The following MYOZ2 variants were observed in gnomAD, a reference collection of about 807,000 sequenced individuals.
MYOZ2 encodes myozenin 2, also known as myozenin-2.
MYOZ2 carries 19 observed loss-of-function variants against 25.4 expected under a neutral mutation model. The ratio of observed to expected loss-of-function variants is 0.75; its 90% CI spans 0.52 to 1.10. The LOEUF is 1.10. Ranked by LOEUF, MYOZ2 falls within the 50% of genes least tolerant of loss-of-function variation. The probability of loss-of-function intolerance (pLI) is 0.00; values close to 1 mark genes in which losing one functional copy is unlikely to be tolerated. For missense variants in MYOZ2, 270 were observed against 317.9 expected, an observed-to-expected ratio of 0.85 and a Z score of 1.15; for synonymous variants, 92 against 106.9, an observed-to-expected ratio of 0.86 and a Z score of 0.86.
chr4:119,172,207 C>G (rs1184145870), intron 5 of MYOZ2, among the ~76,000 whole-genome samples: 1 of 152,182 alleles, frequency 6.6e-6, no homozygotes, highest in African/African-American at 2.4e-5. Flanking sequence ...TTGTAACCCC[C>G]CAAAGGGTTC....
intron 5 of MYOZ2, among the ~76,000 whole-genome samples, chr4:119,178,844 T>G (rs1742132042): frequency 6.6e-6 from 1 of 152,178 alleles, no homozygotes. Flanking sequence ...AGACCTCAGG[T>G]GATCCACCTG....
In MYOZ2 at chr4:119,150,359, C is replaced by A. The variant is rs192399640; in HGVS notation, c.77-513C>A. Reference sequence around the variant, plus strand: ...GATTGGGGAAAAAGTTCACTCAATACTTATCATCTGCCTACTTTATGGAGG... The same window carrying A: ...GATTGGGGAAAAAGTTCACTCAATAATTATCATCTGCCTACTTTATGGAGG... On this transcript the variant is annotated intron_variant, in intron 2 of 5. Transcript: ENST00000307128. Among the ~76,000 whole-genome samples, 17 of 152,056 alleles carry A rather than the reference C, an allele frequency of 1.1e-4. No individual in the cohort carries two copies. In the East Asian group the frequency reaches 3.3e-3, roughly 29 times the overall value.
At chr4:119,172,651 T>C (rs886390734) in intron 5 of MYOZ2, among the ~76,000 whole-genome samples, 4 of 152,232 alleles carry the variant, frequency 2.6e-5, no homozygotes, top group African/African-American at 9.6e-5. Flanking sequence ...GCAAGACACC[T>C]AAACCATAAC....
chr4:119,175,775 G>A (rs1235865803), intron 5 of MYOZ2, among the ~76,000 whole-genome samples: 1 of 151,728 alleles, frequency 6.6e-6, no homozygotes, highest in Admixed American at 6.6e-5. Flanking sequence ...AAATTTTGAA[G>A]TAGTGGTTGT....
chr4:119,186,247 T>G lies in MYOZ2; in HGVS notation c.*47T>G. 1 of 1,510,544 alleles carries G rather than the reference T, an allele frequency of 6.6e-7. No homozygotes were observed. The highest frequency in any genetic ancestry group is 9.2e-7 in the Non-Finnish European group (1 of 1,091,432). 93.6% of individuals were successfully genotyped at this position (1,510,544 alleles called of 1,614,324 possible). A position where few individuals can be genotyped will look rare whatever the true frequency, so the allele number is the denominator to read the frequency against. On this transcript the variant is annotated 3_prime_UTR_variant, in exon 6 of 6. Coordinates refer to ENST00000307128, the MANE Select transcript of MYOZ2 (RefSeq NM_016599.5). ...ATAAAACTCTGAATATAAAAGTTGC[T>G]GTTCTACTATTTTAACTACTGGCAA...
chr4:119,160,809 A>C (rs1741691416), intron 4 of MYOZ2, among the ~76,000 whole-genome samples: 1 of 152,082 alleles, frequency 6.6e-6, no homozygotes, highest in South Asian at 2.1e-4. Flanking sequence ...CTTGGGGTAC[A>C]TAGTGATGTT....
At chr4:119,174,545 T>C (rs1030222024) in intron 5 of MYOZ2, among the ~76,000 whole-genome samples, 1 of 152,168 alleles carries the variant, frequency 6.6e-6, no homozygotes, top group South Asian at 2.1e-4. Context: ...TGGTGGGGCC[T>C]TGGAGAACCT....
chr4:119,180,921 T>A (rs1265811315), intron 5 of MYOZ2, among the ~76,000 whole-genome samples: 1 of 152,204 alleles, frequency 6.6e-6, no homozygotes, highest in Non-Finnish European at 1.5e-5. Flanking sequence ...GCTACTTGAG[T>A]TATTTATCCA....
At chr4:119,181,889 A>G (rs556438382) in intron 5 of MYOZ2, among the ~76,000 whole-genome samples, 9 of 152,358 alleles carry the variant, frequency 5.9e-5, no homozygotes, top group African/African-American at 1.9e-4. Context: ...ATAAAACTGT[A>G]AATATTGCAG....
At chr4:119,137,252 C>T (rs915522735) in intron 2 of MYOZ2, among the ~76,000 whole-genome samples, 6 of 152,122 alleles carry the variant, frequency 3.9e-5, no homozygotes, top group Admixed American at 3.9e-4. Context: ...ATTTCACTCT[C>T]TCCTTTTCTT....
chr4:119,142,693 G>A (rs1416492533), intron 2 of MYOZ2, among the ~76,000 whole-genome samples: 2 of 152,196 alleles, frequency 1.3e-5, no homozygotes, highest in African/African-American at 4.8e-5. Context: ...AGACAAAGCT[G>A]TTCTGCATTG....
At chr4:119,185,855 T>A in intron 5 of MYOZ2, 111 bp from the exon 6 acceptor site, 1 of 861,540 alleles carries the variant, frequency 1.2e-6, no homozygotes, top group Non-Finnish European at 1.8e-6. Context: ...GCCCATAAAA[T>A]AATGAATTAA....
Position 119,165,328 on chromosome 4 carries a change from A to G in MYOZ2, c.560+934A>G, listed in dbSNP as rs115708775. 7.0e-3 allele frequency among the ~76,000 whole-genome samples: 1,056 copies of G among 151,494 alleles called. 14 individuals are homozygous for G. Among genetic ancestry groups the G allele is most frequent in the African/African-American group, 0.024 (992 of 41,232 alleles). On this transcript the variant is annotated intron_variant, in intron 5 of 5. Coordinates refer to ENST00000307128, the MANE Select transcript of MYOZ2 (RefSeq NM_016599.5). The stretch of plus-strand genomic sequence containing the variant: ...AGTTCAAGACTACCCTGGGCAACAT[A>G]GCAAGAACCCTGTCTCTACAAAAAA...
At chr4:119,164,534 T>G in intron 5 of MYOZ2, 140 bp downstream of exon 5, 1 of 769,032 alleles carries the variant, frequency 1.3e-6, no homozygotes, top group Non-Finnish European at 2.1e-6. Flanking sequence ...GGATATCTTC[T>G]AAGCCTAGGC....
intron 4 of MYOZ2, 88 bp from the exon 5 acceptor site, chr4:119,164,123 A>G: frequency 7.8e-7 from 1 of 1,276,198 alleles, no homozygotes; most frequent in Non-Finnish European, 1.1e-6. Context: ...TTATCCCAGC[A>G]TGAAAAATCA....
intron 2 of MYOZ2, among the ~76,000 whole-genome samples, chr4:119,150,577 C>G (rs1741424517): frequency 6.7e-6 from 1 of 149,026 alleles, no homozygotes; most frequent in African/African-American, 2.4e-5. Flanking sequence ...TATGGAAAGA[C>G]TAAATTGTAC....
chr4:119,136,040 T>C lies in MYOZ2; in HGVS notation c.-15+58T>C, dbSNP rs528604002. The C allele has an allele frequency of 2.8e-5, 5 of 178,848 alleles. No individual in the cohort carries two copies. In the South Asian group the frequency reaches 6.4e-4, roughly 23 times the overall value. 11.1% of individuals were successfully genotyped at this position (178,848 alleles called of 1,614,324 possible). On this transcript the variant is annotated intron_variant, in intron 1 of 5. Transcript: ENST00000307128. ...GTCAGTTGTCCAAGGATATTCAGAG[T>C]TGTGACTCATAAATGGGCATTCTCT...
chr4:119,174,440 T>G (rs947854034), intron 5 of MYOZ2, among the ~76,000 whole-genome samples: 1 of 152,200 alleles, frequency 6.6e-6, no homozygotes, highest in Non-Finnish European at 1.5e-5. Flanking sequence ...AGAACCTTTA[T>G]GTCTAGTTCA....
In MYOZ2 at chr4:119,186,030, T is replaced by C; in HGVS notation, c.625T>C (p.Phe209Leu). The change falls in exon 6 of 6, where the codon TTT (phenylalanine) becomes CTT (leucine). Residue 209 changes from phenylalanine (F) to leucine (L), a missense_variant. Transcript: ENST00000307128. ...SRMVKFKVPD[F>L]ELLLLTDPRF... is the part of the protein sequence containing the mutation. Reference sequence around the variant, plus strand: ...AATGGTTAAATTTAAAGTTCCAGATTTTGAGCTACTATTGCTAACAGATCC... The same window carrying C: ...AATGGTTAAATTTAAAGTTCCAGATCTTGAGCTACTATTGCTAACAGATCC... 6.2e-7 allele frequency: 1 copy of C among 1,614,104 alleles called. No homozygotes were observed. The highest frequency in any genetic ancestry group is 8.5e-7 in the Non-Finnish European group (1 of 1,180,008).
Sources: gnomAD v4.1 joint callset for allele counts (sites outside exome capture counted in the v4.1 genomes callset) on GRCh38, gnomAD v4.1.1 for gene constraint, MANE v1.5 for transcripts, NCBI Gene and HGNC (gene_info 2026-07-23, HGNC 2026-07-21) for gene names.